Variants in GLDC observed in about 807,000 individuals in gnomAD.
GLDC encodes glycine dehydrogenase (decarboxylating), mitochondrial.
GLDC carries 104 observed loss-of-function variants against 121.3 expected under a neutral mutation model. The observed-to-expected ratio is 0.86, with a 90% CI of 0.73 to 1.01. The LOEUF (loss-of-function observed/expected upper bound fraction) is 1.01. GLDC is among the 50% of genes least tolerant of loss of function. The pLI, the probability that GLDC is intolerant of heterozygous loss-of-function variation, is 0.00. For synonymous variants in GLDC, 546 were observed against 480.6 expected, an observed-to-expected ratio of 1.14 and a Z score of -1.78; for missense variants, 1,429 against 1,306.6, an observed-to-expected ratio of 1.09 and a Z score of -1.44.
Position 6,592,954 on chromosome 9 carries a change from A to C in GLDC, c.1298T>G (p.Leu433Arg), listed in dbSNP as rs760713573. ...CTGAATCTTCAAGGTATCAAAGAACAGGTCATGCTGGAGTTGATGCCCTGC... is the reference window on the plus strand; with the variant it reads ...CTGAATCTTCAAGGTATCAAAGAACCGGTCATGCTGGAGTTGATGCCCTGC... ...KRAGHQLQHD[L>R]FFDTLKIQCG... Residue 433 changes from leucine (L) to arginine (R), a missense_variant, in exon 10 of 25, where the codon CTG (leucine) becomes CGG (arginine). Physicochemically the swap from Leu to Arg is moderately radical, Grantham distance 102. Coordinates refer to ENST00000321612, the MANE Select transcript of GLDC (RefSeq NM_000170.3). The C allele has an allele frequency of 1.9e-6, 3 of 1,614,138 alleles. No homozygotes were observed. The East Asian group carries it at 6.7e-5, about 36-fold the overall frequency.
intron 2 of GLDC, among the ~76,000 whole-genome samples, chr9:6,630,637 C>T (rs1036886677): frequency 4.6e-5 from 7 of 152,142 alleles, no homozygotes; most frequent in Non-Finnish European, 8.8e-5. Flanking sequence ...ACAGAGACTG[C>T]CTGGGCAGAT....
rs866710004 is a variant in GLDC at position 6,558,093 on chromosome 9, C to G, written c.2052+466G>C. The G allele has an allele frequency of 1.0e-4, 25 of 239,378 alleles. No homozygotes were observed. The Admixed American group carries it at 1.1e-3, about 11-fold the overall frequency. 14.8% of individuals were successfully genotyped at this position (239,378 alleles called of 1,614,324 possible). A position where few individuals can be genotyped will look rare whatever the true frequency, so the allele number is the denominator to read the frequency against. ...AGATACGGTTGCTAAGCAACTTCTT[C>G]CTGGAGGTTGGGAGGTTGAGAGTGG... On this transcript the variant is annotated intron_variant, in intron 17 of 24. Coordinates refer to ENST00000321612, the MANE Select transcript of GLDC (RefSeq NM_000170.3).
chr9:6,644,893 G>A, intron 1 of GLDC: 1 of 632,228 alleles, frequency 1.6e-6, no homozygotes, highest in East Asian at 2.7e-5. Flanking sequence ...TCCGCCACTC[G>A]GGGTTGGATT....
At chr9:6,559,313 G>C (rs1285559573) in intron 16 of GLDC, among the ~76,000 whole-genome samples, 1 of 151,784 alleles carries the variant, frequency 6.6e-6, no homozygotes, top group Non-Finnish European at 1.5e-5. Flanking sequence ...TCAGGAGTTA[G>C]AGACCAGCCT....
chr9:6,580,084 C>T (rs1290856649), intron 15 of GLDC, among the ~76,000 whole-genome samples: 2 of 152,232 alleles, frequency 1.3e-5, no homozygotes, highest in African/African-American at 4.8e-5. Context: ...TCCCCTGAAG[C>T]ACCCTGAAGG....
At chr9:6,610,730 G>T (rs1273741395) in intron 3 of GLDC, among the ~76,000 whole-genome samples, 1 of 152,132 alleles carries the variant, frequency 6.6e-6, no homozygotes, top group Non-Finnish European at 1.5e-5. Flanking sequence ...CTCCAAAGTG[G>T]CTGGGACAAC....
intron 2 of GLDC, among the ~76,000 whole-genome samples, chr9:6,631,768 T>C (rs1399860147): frequency 6.6e-6 from 1 of 152,196 alleles, no homozygotes; most frequent in African/African-American, 2.4e-5. Flanking sequence ...TAATTTTTTA[T>C]AGATCAAAGG....
chr9:6,616,720 G>T (rs898455611), intron 3 of GLDC, among the ~76,000 whole-genome samples: 1 of 152,162 alleles, frequency 6.6e-6, no homozygotes, highest in Non-Finnish European at 1.5e-5. Context: ...CATATAAAAA[G>T]GTATCTGCAC....
At position 6,591,697 on chromosome 9, in the gene GLDC, A is replaced by C. The variant is rs111252588; in HGVS notation, c.1482+446T>G. 9.6e-3 allele frequency among the ~76,000 whole-genome samples: 1,455 copies of C among 152,018 alleles called. 9 individuals carry two copies. The highest frequency in any genetic ancestry group is 0.02 in the Middle Eastern group (6 of 294). ...CCTCCTGGGTTGAAGCAATTCTCCC[A>C]CCTCAGCCTCCTGAGTAACTGGGAT... On this transcript the variant is annotated intron_variant, in intron 11 of 24. Transcript: ENST00000321612.
rs1283119953 is a variant in GLDC at position 6,534,149 on chromosome 9, C to G, written c.2919+559G>C. On this transcript the variant is annotated intron_variant, in intron 24 of 24. Transcript: ENST00000321612. ...GTGAACCCAGGATCATGCCACTGCA[C>G]TCCAGCCTGGGCAACAGAGCGAGAC... 18 of 149,198 alleles carry G rather than the reference C, an allele frequency of 1.2e-4. No individual in the cohort carries two copies. In the East Asian group the frequency reaches 1.5e-3, roughly 13 times the overall value. The allele number at this position is 149,198 out of a possible 1,614,324, so 9.2% of individuals were successfully genotyped here.
chr9:6,636,325 G>A (rs1385731756), intron 2 of GLDC, among the ~76,000 whole-genome samples: 1 of 151,924 alleles, frequency 6.6e-6, no homozygotes, highest in African/African-American at 2.4e-5. Context: ...AAACACTTTG[G>A]GTGATAATGA....
At chr9:6,615,662 G>A (rs1290181039) in intron 3 of GLDC, among the ~76,000 whole-genome samples, 1 of 152,054 alleles carries the variant, frequency 6.6e-6, no homozygotes, top group Non-Finnish European at 1.5e-5. Flanking sequence ...CCAGGCTGGA[G>A]TGCAGTGGTG....
intron 2 of GLDC, chr9:6,639,402 A>G (rs892411640): frequency 6.6e-6 from 6 of 913,894 alleles, no homozygotes; most frequent in African/African-American, 1.6e-5. Context: ...AGTCGCCATG[A>G]AGAAGATGGA....
rs757165297 is a variant in GLDC, at chr9:6,604,696, G to T, written c.950C>A (p.Ser317Tyr). The T allele has an allele frequency of 6.2e-7, 1 of 1,614,148 alleles. No individual in the cohort carries two copies. Among genetic ancestry groups the T allele is most frequent in the Non-Finnish European group, 8.5e-7 (1 of 1,179,998 alleles). ...GCCCAGTGGCACTCCAAATCTCTGG[G>T]AGCTGCCCAGGGCGATGTCTACCCC... ...EFGVDIALGS[S>Y]QRFGVPLGYG... is the part of the protein sequence containing the mutation. The change falls in exon 7 of 25, where the codon TCC (serine) becomes TAC (tyrosine). Residue 317 changes from serine (S) to tyrosine (Y), a missense_variant. Physicochemically the swap from Ser to Tyr is moderately radical, Grantham distance 144. Coordinates refer to ENST00000321612, the MANE Select transcript of GLDC (RefSeq NM_000170.3).
At chr9:6,597,213 G>A (rs916099712) in intron 8 of GLDC, among the ~76,000 whole-genome samples, 1 of 152,198 alleles carries the variant, frequency 6.6e-6, no homozygotes, top group Admixed American at 6.5e-5. Flanking sequence ...AGGGGCTATA[G>A]GAAGGGGAGA....
intron 15 of GLDC, among the ~76,000 whole-genome samples, chr9:6,584,048 C>T (rs1269513758): frequency 6.6e-6 from 1 of 152,064 alleles, no homozygotes. Context: ...TATTTTACCA[C>T]AATAAAAAAT....
intron 2 of GLDC, among the ~76,000 whole-genome samples, chr9:6,638,010 C>A (rs2130006306): frequency 6.6e-6 from 1 of 151,918 alleles, no homozygotes; most frequent in South Asian, 2.1e-4. Context: ...AATATTTTCA[C>A]CCCTCCACTT....
intron 15 of GLDC, among the ~76,000 whole-genome samples, chr9:6,568,170 C>T (rs1296558461): frequency 2.6e-5 from 4 of 152,144 alleles, no homozygotes; most frequent in Non-Finnish European, 5.9e-5. Flanking sequence ...ATGCTAAAGA[C>T]TTGATCAGAA....
In GLDC at chr9:6,644,052, G is replaced by GA. The variant is rs905678567; in HGVS notation, c.334+561dup. 7.5e-3 allele frequency among the ~76,000 whole-genome samples: 386 copies of GA among 51,666 alleles called. 2 individuals carry two copies. Among genetic ancestry groups the GA allele is most frequent in the Non-Finnish European group, 0.01 (294 of 29,250 alleles). 33.9% of individuals were successfully genotyped at this position (51,666 alleles called of 152,430 possible). Reference sequence around the variant, plus strand: ...CTCAAAAAAAAAAAAAAAAAAAAACGAAAAAAAAAAGAAAAGAAAAGAAAA... The same window carrying GA: ...CTCAAAAAAAAAAAAAAAAAAAAACGAAAAAAAAAAAGAAAAGAAAAGAAAA... On this transcript the variant is annotated intron_variant, in intron 2 of 24. Coordinates refer to ENST00000321612, the MANE Select transcript of GLDC (RefSeq NM_000170.3).
Sources: allele counts gnomAD v4.1 joint callset (sites outside exome capture counted in the v4.1 genomes callset), GRCh38; gene constraint gnomAD v4.1.1; transcripts MANE v1.5; gene names NCBI Gene and HGNC (gene_info 2026-07-23, HGNC 2026-07-21).